MCF2L2: variants seen among roughly 807,000 people sequenced by gnomAD.
MCF2L2 encodes the protein probable guanine nucleotide exchange factor MCF2L2.
Under a neutral mutation model 150.2 loss-of-function variants are expected in MCF2L2, and 102 were observed. The observed-to-expected ratio is 0.68, with a 90% confidence interval of 0.58 to 0.80. The LOEUF is 0.80. Ranked by LOEUF, MCF2L2 falls within the 30% of genes least tolerant of loss-of-function variation. The probability of loss-of-function intolerance (pLI) is 0.00; values close to 1 mark genes in which losing one functional copy is unlikely to be tolerated. For synonymous variants in MCF2L2, 465 were observed against 491.3 expected (o/e 0.95, Z 0.71); for missense variants, 1,256 against 1,372.8 (o/e 0.91, Z 1.34).
At chr3:183,419,851 C>T (rs753454174) in intron 1 of MCF2L2, among the ~76,000 whole-genome samples, 4 of 152,184 alleles carry the variant, frequency 2.6e-5, no homozygotes, top group Non-Finnish European at 5.9e-5. Context: ...CCAGCCTGGG[C>T]ATCAGAGTGA....
intron 22 of MCF2L2, among the ~76,000 whole-genome samples, chr3:183,214,056 GA>G (rs1159703406): frequency 6.6e-6 from 1 of 152,160 alleles, no homozygotes; most frequent in Non-Finnish European, 1.5e-5. Flanking sequence ...AATTAGGGCA[GA>G]ATGTTATTTG....
Position 183,308,875 on chromosome 3 carries a change from G to A in MCF2L2, c.1113+841C>T, listed in dbSNP as rs560628526. Among the ~76,000 whole-genome samples, 34 of 152,230 alleles carry A rather than the reference G, an allele frequency of 2.2e-4. 1 individual carries two copies. Among genetic ancestry groups the A allele is most frequent in the African/African-American group, 5.8e-4 (24 of 41,548 alleles). ...AAATCTCTAGTACTGCAAAATTGCC[G>A]TCTGAGAAACATGCCTCCAGATTAG... On this transcript the variant is annotated intron_variant, in intron 10 of 29. Coordinates refer to ENST00000328913, the MANE Select transcript of MCF2L2 (RefSeq NM_015078.4).
chr3:183,190,315 C>T (rs1049753021), intron 27 of MCF2L2, among the ~76,000 whole-genome samples: 1 of 152,200 alleles, frequency 6.6e-6, no homozygotes, highest in African/African-American at 2.4e-5. Context: ...CACTTAACAC[C>T]AATAATGAGG....
intron 15 of MCF2L2, among the ~76,000 whole-genome samples, chr3:183,249,469 C>A (rs1724414971): frequency 6.6e-6 from 1 of 152,190 alleles, no homozygotes; most frequent in South Asian, 2.1e-4. Flanking sequence ...TAAGAGATTT[C>A]CTTATGCGTT....
At chr3:183,208,105 A>G (rs1722563821) in intron 22 of MCF2L2, among the ~76,000 whole-genome samples, 2 of 152,194 alleles carry the variant, frequency 1.3e-5, no homozygotes, top group Admixed American at 1.3e-4. Context: ...GGGGACTGTG[A>G]TATTTTTGAC....
chr3:183,257,423 C>A (rs964244666), intron 15 of MCF2L2, among the ~76,000 whole-genome samples: 10 of 152,184 alleles, frequency 6.6e-5, no homozygotes, highest in African/African-American at 2.4e-4. Context: ...TCCTATCCTG[C>A]CCATGGCCTA....
At position 183,342,630 on chromosome 3, in the gene MCF2L2, G is replaced by A. The variant is rs1337211136; in HGVS notation, c.276-1000C>T. Among the ~76,000 whole-genome samples, 36 of 51,392 alleles carry A rather than the reference G, an allele frequency of 7.0e-4. No homozygotes were observed. In the African/African-American group the frequency reaches 0.011, roughly 15 times the overall value. 33.7% of individuals were successfully genotyped at this position (51,392 alleles called of 152,430 possible). ...TGATGTGAAGATTAAATGTGTGTGT[G>A]TGTGTGTGTGTGTGTGTGTGTGTGT... On this transcript the variant is annotated intron_variant, in intron 3 of 29. Transcript: ENST00000328913.
chr3:183,402,062 G>A (rs928378061), intron 1 of MCF2L2, among the ~76,000 whole-genome samples: 1 of 152,196 alleles, frequency 6.6e-6, no homozygotes, highest in Non-Finnish European at 1.5e-5. Context: ...ACTCTGTTGA[G>A]TAATTAGAGC....
chr3:183,267,404 AT>A lies in MCF2L2; in HGVS notation c.1862+9467del, dbSNP rs1200871250. Among the ~76,000 whole-genome samples, 1 of 152,166 alleles carries A rather than the reference AT, an allele frequency of 6.6e-6. No individual in the cohort carries two copies. Among genetic ancestry groups the A allele is most frequent in the African/African-American group, 2.4e-5 (1 of 41,436 alleles). ...GCCTCCACCCTGATGTGGAGTGATC[AT>A]GGGGGTGGGAAATATAGCTGGATCC... is the stretch of plus-strand genomic sequence containing the variant. On this transcript the variant is annotated intron_variant, in intron 15 of 29. Transcript: ENST00000328913. This position sits in a 1 kb window ranked among gnomAD's most constrained non-coding sequence, Gnocchi z 5.5.
rs144684990 is a variant in MCF2L2 at position 183,388,535 on chromosome 3, G to C, written c.160+1161C>G. On this transcript the variant is annotated intron_variant, in intron 2 of 29. Coordinates refer to ENST00000328913, the MANE Select transcript of MCF2L2 (RefSeq NM_015078.4). ...GGGAGACCACCGGCCTCGCAGAATA[G>C]ACCACAGGGACTTGGATATTTTTGT... Among the ~76,000 whole-genome samples, 570 of 152,348 alleles carry C rather than the reference G, an allele frequency of 3.7e-3. 3 individuals carry two copies. Among genetic ancestry groups the C allele is most frequent in the African/African-American group, 0.013 (544 of 41,578 alleles).
intron 15 of MCF2L2, among the ~76,000 whole-genome samples, chr3:183,232,271 C>T (rs1486407410): frequency 6.6e-6 from 1 of 152,334 alleles, no homozygotes; most frequent in East Asian, 1.9e-4. Flanking sequence ...AGTCCTGCCA[C>T]AACCACGCGA....
chr3:183,210,985 G>A lies in MCF2L2; in HGVS notation c.2497-3162C>T, dbSNP rs146035017. Among the ~76,000 whole-genome samples, 1,408 of 152,288 alleles carry A rather than the reference G, an allele frequency of 9.2e-3. 15 individuals carry two copies. Among genetic ancestry groups the A allele is most frequent in the South Asian group, 0.034 (165 of 4,826 alleles). ...CCTGAACTGAAGAAAACAGGAGGAA[G>A]TGGTGACCAGCAGGAGACGGGGCTG... On this transcript the variant is annotated intron_variant, in intron 22 of 29. Transcript: ENST00000328913.
chr3:183,242,667 G>C (rs1724082488), intron 15 of MCF2L2, among the ~76,000 whole-genome samples: 1 of 152,216 alleles, frequency 6.6e-6, no homozygotes, highest in Non-Finnish European at 1.5e-5. Context: ...ATCTCTGCTA[G>C]GGGAGTATGG....
chr3:183,427,575 A>G (rs948161917), intron 1 of MCF2L2, among the ~76,000 whole-genome samples: 1 of 151,592 alleles, frequency 6.6e-6, no homozygotes, highest in African/African-American at 2.4e-5. Context: ...AAACCAGAAC[A>G]TAACTTCCCA....
chr3:183,214,817 T>G (rs1722854609), intron 22 of MCF2L2, among the ~76,000 whole-genome samples: 2 of 148,206 alleles, frequency 1.3e-5, no homozygotes, highest in African/African-American at 5.0e-5. Flanking sequence ...AAGCCCCGTC[T>G]CTACTAAAAA....
rs369005204 is a variant in MCF2L2, at chr3:183,357,533, G to A, written c.276-15903C>T. Among the ~76,000 whole-genome samples the A allele has an allele frequency of 2.0e-5, 3 of 152,280 alleles. No homozygotes were observed. In the South Asian group the frequency reaches 6.2e-4, roughly 32 times the overall value. ...TCAGCACTGACGTGACACCAAAAGT[G>A]GAAAAACCCAACACCTGACTTCATG... On this transcript the variant is annotated intron_variant, in intron 3 of 29. Coordinates refer to ENST00000328913, the MANE Select transcript of MCF2L2 (RefSeq NM_015078.4).
intron 13 of MCF2L2, among the ~76,000 whole-genome samples, chr3:183,294,880 A>G (rs1728401352): frequency 6.6e-6 from 1 of 151,962 alleles, no homozygotes. Flanking sequence ...TGCCCGCCTC[A>G]GGCTCCCAAA....
intron 25 of MCF2L2, among the ~76,000 whole-genome samples, chr3:183,203,247 TC>T (rs1281953150): frequency 6.6e-6 from 1 of 151,968 alleles, no homozygotes; most frequent in Non-Finnish European, 1.5e-5. Context: ...AAAAAACTGT[TC>T]CTGAGGAAGC....
intron 25 of MCF2L2, among the ~76,000 whole-genome samples, chr3:183,198,524 C>T (rs983138875): frequency 6.6e-6 from 1 of 152,110 alleles, no homozygotes. Flanking sequence ...TGATGCCTTA[C>T]AGATGTATAC....
Sources: gnomAD v4.1 joint callset for allele counts (sites outside exome capture counted in the v4.1 genomes callset) on GRCh38, gnomAD v4.1.1 for gene constraint, Gnocchi (gnomAD v3.1) non-coding constraint, MANE v1.5 for transcripts, NCBI Gene and HGNC (gene_info 2026-07-23, HGNC 2026-07-21) for gene names.